Variants in ASCC3 observed in about 807,000 individuals in gnomAD.
The protein encoded by ASCC3 is ASC-1 complex subunit P200.
A neutral mutation model predicts 256.3 loss-of-function variants in ASCC3; 158 were observed. That is an observed-to-expected ratio of 0.62 (90% CI 0.54 to 0.70). ASCC3 has a LOEUF of 0.70. ASCC3 is among the 30% of genes least tolerant of loss of function. The probability of loss-of-function intolerance (pLI) is 0.00; values close to 1 mark genes in which losing one functional copy is unlikely to be tolerated. For synonymous variants in ASCC3, 948 were observed against 883.4 expected (o/e 1.07, Z -1.30); for missense variants, 2,259 against 2,626.0 (o/e 0.86, Z 3.05).
chr6:100,847,960 T>C, intron 4 of ASCC3, 188 bp downstream of exon 4: 1 of 530,382 alleles, frequency 1.9e-6, no homozygotes, highest in Non-Finnish European at 3.2e-6. Flanking sequence ...TCATTACACT[T>C]TCAGACCTCC....
intron 40 of ASCC3, chr6:100,510,424 A>C: frequency 3.4e-6 from 1 of 293,282 alleles, no homozygotes; most frequent in Non-Finnish European, 6.5e-6. Context: ...TCCTACAATT[A>C]ACTTTAATAC....
chr6:100,855,167 G>A (rs952348808), intron 3 of ASCC3, among the ~76,000 whole-genome samples: 1 of 150,878 alleles, frequency 6.6e-6, no homozygotes, highest in African/African-American at 2.4e-5. Flanking sequence ...AGTCTGGAGT[G>A]CAGTGGCACA....
chr6:100,649,052 C>T (rs150421298), intron 20 of ASCC3, among the ~76,000 whole-genome samples: 1 of 151,840 alleles, frequency 6.6e-6, no homozygotes, highest in African/African-American at 2.4e-5. Context: ...TGTTCAATTA[C>T]TGATAGCTTA....
chr6:100,838,059 A>G (rs1771962889), intron 4 of ASCC3, among the ~76,000 whole-genome samples: 1 of 152,148 alleles, frequency 6.6e-6, no homozygotes, highest in Non-Finnish European at 1.5e-5. Context: ...CATGGTAAAT[A>G]GTATGACCAA....
intron 10 of ASCC3, among the ~76,000 whole-genome samples, chr6:100,748,374 AT>A (rs1780784045): frequency 1.3e-5 from 2 of 152,084 alleles, no homozygotes; most frequent in Admixed American, 1.3e-4. Flanking sequence ...TTGAAAGCGA[AT>A]TATGTACCAA....
intron 34 of ASCC3, among the ~76,000 whole-genome samples, chr6:100,594,507 C>T (rs1224315299): frequency 6.6e-6 from 1 of 151,904 alleles, no homozygotes; most frequent in East Asian, 1.9e-4. Flanking sequence ...TTAACACAGA[C>T]AATAATAAAA....
chr6:100,785,610 C>A (rs1769029146), intron 8 of ASCC3, among the ~76,000 whole-genome samples: 1 of 152,020 alleles, frequency 6.6e-6, no homozygotes, highest in Non-Finnish European at 1.5e-5. Context: ...TGGGGTCTCA[C>A]TATGTTGCCC....
intron 3 of ASCC3, among the ~76,000 whole-genome samples, chr6:100,853,058 G>A (rs1019789496): frequency 6.6e-6 from 1 of 151,142 alleles, no homozygotes; most frequent in South Asian, 2.1e-4. Flanking sequence ...AGCATGATCA[G>A]AACTCAACTT....
intron 16 of ASCC3, among the ~76,000 whole-genome samples, chr6:100,661,323 T>TCACA (rs749963143): frequency 0.07 from 9,887 of 141,528 alleles, 537 homozygotes; most frequent in African/African-American, 0.15. Context: ...AACACAAAAG[T>TCACA]CACACACACA....
chr6:100,600,830 T>C (rs1433648071), intron 34 of ASCC3, among the ~76,000 whole-genome samples: 2 of 152,038 alleles, frequency 1.3e-5, no homozygotes, highest in East Asian at 3.9e-4. Context: ...CTTCCTACCA[T>C]AGTGCAATAA....
chr6:100,584,970 C>T (rs1771566563), intron 36 of ASCC3, among the ~76,000 whole-genome samples: 1 of 152,112 alleles, frequency 6.6e-6, no homozygotes, highest in Non-Finnish European at 1.5e-5. Context: ...GATGGGCTTC[C>T]CTTTGTGGGT....
intron 8 of ASCC3, among the ~76,000 whole-genome samples, chr6:100,769,682 T>C (rs1398816583): frequency 6.6e-6 from 1 of 151,798 alleles, no homozygotes; most frequent in Admixed American, 6.6e-5. Context: ...ATTAATAAAA[T>C]TGATTAACCT....
intron 4 of ASCC3, among the ~76,000 whole-genome samples, chr6:100,835,118 T>C (rs1364447791): frequency 1.3e-5 from 2 of 151,886 alleles, no homozygotes; most frequent in Non-Finnish European, 1.5e-5. Context: ...TTCTTACCAA[T>C]TGAAGAAAAC....
At chr6:100,601,730 C>T in intron 34 of ASCC3, 80 bp downstream of exon 34, 2 of 1,540,146 alleles carry the variant, frequency 1.3e-6, no homozygotes, top group Admixed American at 1.7e-5. Context: ...TTGTATGTAC[C>T]TTAATTTGGA....
intron 2 of ASCC3, among the ~76,000 whole-genome samples, chr6:100,864,636 G>C (rs770996954): frequency 6.6e-6 from 1 of 151,982 alleles, no homozygotes; most frequent in Non-Finnish European, 1.5e-5. Context: ...TTAATGAAAC[G>C]CATTTATGGA....
At chr6:100,654,354 T>A (rs990318458) in intron 17 of ASCC3, among the ~76,000 whole-genome samples, 1 of 150,828 alleles carries the variant, frequency 6.6e-6, no homozygotes, top group African/African-American at 2.4e-5. Context: ...GTACTATGTA[T>A]CCAAAAGGTC....
chr6:100,731,652 T>C (rs1779907117), intron 10 of ASCC3, among the ~76,000 whole-genome samples: 1 of 152,182 alleles, frequency 6.6e-6, no homozygotes, highest in Non-Finnish European at 1.5e-5. Context: ...GACCTAATCG[T>C]TACAATTGGG....
chr6:100,614,494 T>C (rs1281142457), intron 30 of ASCC3, among the ~76,000 whole-genome samples: 1 of 152,150 alleles, frequency 6.6e-6, no homozygotes, highest in African/African-American at 2.4e-5. Context: ...CCTCACAACA[T>C]TCCTATGAGG....
rs369974362 is a variant in ASCC3, at chr6:100,597,809, G to GAAAAAAAAAAAAAAAAAAAAAAAAAAA, written c.5303+4000_5303+4001insTTTTTTTTTTTTTTTTTTTTTTTTTTT. ...TACACAGTGAAACCCCGTCTCTACT[G>GAAAAAAAAAAAAAAAAAAAAAAAAAAA]AAAAAAAAAAAAAAATTAGCCGAGC... On this transcript the variant is annotated intron_variant, in intron 34 of 41. Coordinates refer to ENST00000369162, the MANE Select transcript of ASCC3 (RefSeq NM_006828.4). Among the ~76,000 whole-genome samples, 21 of 88,588 alleles carry GAAAAAAAAAAAAAAAAAAAAAAAAAAA rather than the reference G, an allele frequency of 2.4e-4. 1 individual carries two copies. Among genetic ancestry groups the GAAAAAAAAAAAAAAAAAAAAAAAAAAA allele is most frequent in the Middle Eastern group, 5.3e-3 (1 of 188 alleles). The allele number at this position is 88,588 out of a possible 152,430, so 58.1% of individuals were successfully genotyped here. A position where few individuals can be genotyped will look rare whatever the true frequency, so the allele number is the denominator to read the frequency against.
Sources: gnomAD v4.1 joint callset for allele counts (sites outside exome capture counted in the v4.1 genomes callset) on GRCh38, gnomAD v4.1.1 for gene constraint, MANE v1.5 for transcripts, NCBI Gene and HGNC (gene_info 2026-07-23, HGNC 2026-07-21) for gene names.